The following RBFOX1 variants were observed in gnomAD, a reference collection of about 807,000 sequenced individuals.
RBFOX1 encodes RNA binding protein fox-1 homolog 1.
A neutral mutation model predicts 57.7 loss-of-function variants in RBFOX1; 8 were observed. That is an observed-to-expected ratio of 0.14 (90% confidence interval 0.08 to 0.25). The LOEUF (loss-of-function observed/expected upper bound fraction) is 0.25, where lower values mean the gene tolerates loss of function less well. Among genes scored for constraint, RBFOX1 ranks in the 10% least tolerant of loss-of-function variants. RBFOX1 has a pLI of 1.00. For synonymous variants in RBFOX1, 326 were observed against 222.4 expected (o/e 1.47, Z -4.15); for missense variants, 611 against 548.5 (o/e 1.11, Z -1.14).
intron 4 of RBFOX1, among the ~76,000 whole-genome samples, chr16:5,927,071 T>A (rs1278766395): frequency 6.6e-6 from 1 of 152,230 alleles, no homozygotes; most frequent in African/African-American, 2.4e-5. Context: ...TTGACATATT[T>A]TTATACCCTA....
At chr16:6,442,257 G>A (rs1807427420) in intron 2 of RBFOX1, among the ~76,000 whole-genome samples, 1 of 152,068 alleles carries the variant, frequency 6.6e-6, no homozygotes, top group Non-Finnish European at 1.5e-5. Flanking sequence ...TGTCTTTCTG[G>A]TTAGAAATAA....
intron 4 of RBFOX1, among the ~76,000 whole-genome samples, chr16:7,387,858 T>G (rs564567793): frequency 1.3e-5 from 2 of 152,186 alleles, no homozygotes; most frequent in East Asian, 3.9e-4. Context: ...TTTGATTATT[T>G]TAATGTGCTA....
chr16:5,592,018 C>T (rs2047024817), intron 2 of RBFOX1, among the ~76,000 whole-genome samples: 1 of 152,172 alleles, frequency 6.6e-6, no homozygotes, highest in South Asian at 2.1e-4. Context: ...TCTTCTTTGT[C>T]AGTCTCCGTA....
At chr16:7,074,512 G>C (rs945748339) in intron 4 of RBFOX1, among the ~76,000 whole-genome samples, 1 of 152,014 alleles carries the variant, frequency 6.6e-6, no homozygotes, top group Non-Finnish European at 1.5e-5. Flanking sequence ...AGACAGTGAA[G>C]AATAGAACTA....
At chr16:7,551,670 G>A (rs966747988) in intron 5 of RBFOX1, among the ~76,000 whole-genome samples, 3 of 152,174 alleles carry the variant, frequency 2.0e-5, no homozygotes, top group East Asian at 1.9e-4. Context: ...TACTCTAGCT[G>A]GTTCAGTGGC....
intron 4 of RBFOX1, among the ~76,000 whole-genome samples, chr16:7,266,589 G>C (rs904874959): frequency 6.6e-6 from 1 of 152,138 alleles, no homozygotes; most frequent in African/African-American, 2.4e-5. Context: ...CTCTATCTCT[G>C]AATACCATCG....
chr16:7,243,762 C>G (rs2094170241), intron 4 of RBFOX1, among the ~76,000 whole-genome samples: 1 of 152,026 alleles, frequency 6.6e-6, no homozygotes, highest in Non-Finnish European at 1.5e-5. Flanking sequence ...GCTTCCCAGA[C>G]TGGTCTTGAA....
chr16:6,780,333 TTATACATATTTA>T (rs1318510303), intron 3 of RBFOX1, among the ~76,000 whole-genome samples: 5,543 of 86,150 alleles, frequency 0.064, 862 homozygotes, highest in East Asian at 0.42. Context: ...TTATATATAT[TTATACATATTTA>T]TATACATATT....
chr16:6,780,845 TG>T (rs1357908299), intron 3 of RBFOX1, among the ~76,000 whole-genome samples: 1 of 151,982 alleles, frequency 6.6e-6, no homozygotes, highest in Admixed American at 6.6e-5. Context: ...TTATTTGGGT[TG>T]GGGTTTTGTA....
chr16:7,408,801 C>A (rs183330003), intron 4 of RBFOX1, among the ~76,000 whole-genome samples: 13 of 152,282 alleles, frequency 8.5e-5, no homozygotes, highest in Admixed American at 3.3e-4. Flanking sequence ...TGTGTTGTTA[C>A]TACCGAAAAT....
At chr16:6,301,973 CAG>C (rs2078873567) in intron 1 of RBFOX1, among the ~76,000 whole-genome samples, 1 of 152,106 alleles carries the variant, frequency 6.6e-6, no homozygotes, top group Non-Finnish European at 1.5e-5. Flanking sequence ...ATATCAAACT[CAG>C]GGAAAAATCA....
chr16:5,342,629 G>C (rs1254265924), intron 1 of RBFOX1, among the ~76,000 whole-genome samples: 3 of 152,182 alleles, frequency 2.0e-5, no homozygotes, highest in African/African-American at 7.2e-5. Context: ...GTACCACTGA[G>C]AACAGTTCTT....
At chr16:6,865,884 C>T (rs1322197542) in intron 3 of RBFOX1, among the ~76,000 whole-genome samples, 1 of 152,034 alleles carries the variant, frequency 6.6e-6, no homozygotes, top group African/African-American at 2.4e-5. Context: ...AAGTCTTTTG[C>T]CTTCTAAGTA....
chr16:6,556,808 C>A (rs2097104217), intron 2 of RBFOX1, among the ~76,000 whole-genome samples: 1 of 151,832 alleles, frequency 6.6e-6, no homozygotes. Context: ...GCTCATGTGA[C>A]TGCAGGTGTT....
chr16:6,331,667 A>G (rs2083055131), intron 2 of RBFOX1, among the ~76,000 whole-genome samples: 1 of 151,528 alleles, frequency 6.6e-6, no homozygotes, highest in Admixed American at 6.6e-5. Flanking sequence ...TCAGTGTTGC[A>G]TAAATCTCAA....
At chr16:7,248,365 G>T (rs914556540) in intron 4 of RBFOX1, among the ~76,000 whole-genome samples, 1 of 152,150 alleles carries the variant, frequency 6.6e-6, no homozygotes, top group African/African-American at 2.4e-5. Flanking sequence ...TCTTCTAGTA[G>T]GATGCCCTAT....
chr16:6,516,535 C>T (rs1460913436), intron 2 of RBFOX1, among the ~76,000 whole-genome samples: 1 of 152,106 alleles, frequency 6.6e-6, no homozygotes, highest in East Asian at 1.9e-4. Context: ...AAACATAAGG[C>T]TTGTTAATTT....
At chr16:7,320,066 C>G (rs1000925231) in intron 4 of RBFOX1, among the ~76,000 whole-genome samples, 3 of 152,076 alleles carry the variant, frequency 2.0e-5, no homozygotes, top group Admixed American at 6.6e-5. Context: ...GTTACCTTTT[C>G]TTAAAAAAAT....
chr16:6,628,266 G>T (rs1375885511), intron 2 of RBFOX1, among the ~76,000 whole-genome samples: 1 of 152,154 alleles, frequency 6.6e-6, no homozygotes, highest in African/African-American at 2.4e-5. Flanking sequence ...TTTGCACCTT[G>T]CTCAAAATTT....
Sources: gnomAD v4.1 joint callset for allele counts (sites outside exome capture counted in the v4.1 genomes callset) on GRCh38, gnomAD v4.1.1 for gene constraint, MANE v1.5 for transcripts, NCBI Gene and HGNC (gene_info 2026-07-23, HGNC 2026-07-21) for gene names.